Variants in CHRNA7 observed in about 807,000 individuals in gnomAD.
The protein encoded by CHRNA7 is neuronal acetylcholine receptor subunit alpha-7.
Under a neutral mutation model 48.0 loss-of-function variants are expected in CHRNA7, and 17 were observed. The ratio of observed to expected loss-of-function variants is 0.35; its 90% confidence interval spans 0.24 to 0.53. The LOEUF (loss-of-function observed/expected upper bound fraction) is 0.53. CHRNA7 is among the 20% of genes least tolerant of loss of function. The pLI is 0.92. For missense variants in CHRNA7, 155 were observed against 577.7 expected (o/e 0.27, Z 7.50); for synonymous variants, 75 against 242.3 (o/e 0.31, Z 6.41).
At chr15:32,049,025 G>GTCTGAATGTCAGTTTGTTATAATT (rs1457140245) in intron 2 of CHRNA7, among the ~76,000 whole-genome samples, 1 of 102,042 alleles carries the variant, frequency 9.8e-6, no homozygotes, top group Admixed American at 9.8e-5. Flanking sequence ...TTGCACTGTG[G>GTCTGAATGTCAGTTTGTTATAATT]TCTGTTCTTT....
chr15:32,107,415 A>T (rs1451052214), intron 3 of CHRNA7, among the ~76,000 whole-genome samples: 1 of 151,272 alleles, frequency 6.6e-6, no homozygotes, highest in Non-Finnish European at 1.5e-5. Context: ...TGCTTACTTA[A>T]TAAAATTTTA....
chr15:32,062,842 CATT>C (rs1178903639), intron 2 of CHRNA7, among the ~76,000 whole-genome samples: 3 of 152,098 alleles, frequency 2.0e-5, no homozygotes, highest in Non-Finnish European at 4.4e-5. Context: ...CTGAGAAATG[CATT>C]ATTAGGCGAT....
rs1555373124 is a variant in CHRNA7 at position 32,044,253 on chromosome 15, C to CTCCCTTCCT, written c.195+13219_195+13220insCTTCCTTCC. 1.4e-3 allele frequency among the ~76,000 whole-genome samples: 199 copies of CTCCCTTCCT among 141,024 alleles called. 1 individual carries two copies. The highest frequency in any genetic ancestry group is 5.1e-3 in the African/African-American group (193 of 37,790). 92.5% of individuals were successfully genotyped at this position (141,024 alleles called of 152,430 possible). A position where few individuals can be genotyped will look rare whatever the true frequency, so the allele number is the denominator to read the frequency against. Reference sequence around the variant, plus strand: ...TGTTGCCAGATCGATCGATCTTTTCCTCCTTCCTTCCTTCCTTCCTTCCTT... The same window carrying CTCCCTTCCT: ...TGTTGCCAGATCGATCGATCTTTTCCTCCCTTCCTTCCTTCCTTCCTTCCTTCCTTCCTT... On this transcript the variant is annotated intron_variant, in intron 2 of 9. Coordinates refer to ENST00000306901, the MANE Select transcript of CHRNA7 (RefSeq NM_000746.6).
chr15:32,148,176 AG>A (rs1318760056), intron 4 of CHRNA7, among the ~76,000 whole-genome samples: 2 of 152,220 alleles, frequency 1.3e-5, no homozygotes, highest in Non-Finnish European at 2.9e-5. Context: ...TCTTTGCAGC[AG>A]GACAGAGTGC....
At chr15:32,151,921 G>A (rs973339440) in intron 4 of CHRNA7, among the ~76,000 whole-genome samples, 21 of 152,300 alleles carry the variant, frequency 1.4e-4, no homozygotes, top group African/African-American at 4.8e-4. Flanking sequence ...AGGCTCTGTA[G>A]TCATGGGCAG....
intron 4 of CHRNA7, among the ~76,000 whole-genome samples, chr15:32,131,039 TTTG>T (rs908409814): frequency 6.6e-6 from 1 of 152,166 alleles, no homozygotes; most frequent in Non-Finnish European, 1.5e-5. Flanking sequence ...GTCATTTAAA[TTTG>T]TTGTTGTTGT....
chr15:32,092,857 T>A (rs1034712956), intron 2 of CHRNA7, among the ~76,000 whole-genome samples: 1 of 152,194 alleles, frequency 6.6e-6, no homozygotes, highest in African/African-American at 2.4e-5. Flanking sequence ...GGTCTCCTTA[T>A]CTCTAACTCA....
chr15:32,154,710 TC>T (rs2051699262), intron 5 of CHRNA7, among the ~76,000 whole-genome samples: 1 of 115,292 alleles, frequency 8.7e-6, no homozygotes. Flanking sequence ...CAGGGTGATC[TC>T]CCACACTGCA....
At position 32,130,469 on chromosome 15, in the gene CHRNA7, A is replaced by G. The variant is rs182977481; in HGVS notation, c.350+18570A>G. Among the ~76,000 whole-genome samples the G allele has an allele frequency of 2.0e-5, 3 of 151,406 alleles. No homozygotes were observed. The East Asian group carries it at 5.8e-4, about 29-fold the overall frequency. On this transcript the variant is annotated intron_variant, in intron 4 of 9. Transcript: ENST00000306901. Reference sequence around the variant, plus strand: ...TTTTCTTTTCTCTAAGATCTGCTTTATCTGATAATAATATAGTTACTCTTG... The same window carrying G: ...TTTTCTTTTCTCTAAGATCTGCTTTGTCTGATAATAATATAGTTACTCTTG...
At chr15:32,146,212 C>G (rs1376481799) in intron 4 of CHRNA7, among the ~76,000 whole-genome samples, 1 of 152,036 alleles carries the variant, frequency 6.6e-6, no homozygotes, top group Non-Finnish European at 1.5e-5. Flanking sequence ...AAGATTGAGG[C>G]AGAAAAAAAT....
intron 2 of CHRNA7, among the ~76,000 whole-genome samples, chr15:32,061,951 T>C (rs1250432361): frequency 6.6e-6 from 1 of 152,224 alleles, no homozygotes; most frequent in Admixed American, 6.5e-5. Context: ...TCCTGTGATA[T>C]TGTCACAATA....
rs1345369143 is a variant in CHRNA7, at chr15:32,169,194, G to A, written c.*736G>A. 1 of 146,212 alleles carries A rather than the reference G, an allele frequency of 6.8e-6. No homozygotes were observed. Among genetic ancestry groups the A allele is most frequent in the Non-Finnish European group, 1.5e-5 (1 of 64,816 alleles). 9.1% of individuals were successfully genotyped at this position (146,212 alleles called of 1,614,324 possible). On this transcript the variant is annotated 3_prime_UTR_variant, in exon 10 of 10. Coordinates refer to ENST00000306901, the MANE Select transcript of CHRNA7 (RefSeq NM_000746.6). ...CGCGGAGTGTCTTTGGTGGATCCCA[G>A]ATAACTCCTAGGTGCTGCTCTCAGA...
intron 4 of CHRNA7, among the ~76,000 whole-genome samples, chr15:32,138,768 G>GT (rs2051321815): frequency 1.3e-5 from 2 of 151,852 alleles, no homozygotes; most frequent in Non-Finnish European, 2.9e-5. Flanking sequence ...GTTTTGTTTT[G>GT]TTTGAGATGG....
chr15:32,142,418 G>C (rs983031470), intron 4 of CHRNA7, among the ~76,000 whole-genome samples: 3 of 152,194 alleles, frequency 2.0e-5, no homozygotes, highest in African/African-American at 7.2e-5. Flanking sequence ...TTGGTATCAG[G>C]ATGATGCTGG....
rs1252934734 is a variant in CHRNA7 at position 32,149,824 on chromosome 15, T to G, written c.351-4083T>G. 6.6e-6 allele frequency among the ~76,000 whole-genome samples: 1 copy of G among 151,824 alleles called. No homozygotes were observed. The highest frequency in any genetic ancestry group is 1.5e-5 in the Non-Finnish European group (1 of 67,962). ...CCTGTTTGCCTTGTGATCTCAAGAG[T>G]CTCTTCAATTAAATTGATCCAAATG... On this transcript the variant is annotated intron_variant, in intron 4 of 9. Coordinates refer to ENST00000306901, the MANE Select transcript of CHRNA7 (RefSeq NM_000746.6). This position sits in a 1 kb window ranked among gnomAD's most constrained non-coding sequence, Gnocchi z 4.6.
chr15:32,141,135 C>A (rs1239465937), intron 4 of CHRNA7, among the ~76,000 whole-genome samples: 2 of 152,204 alleles, frequency 1.3e-5, no homozygotes, highest in Admixed American at 1.3e-4. Flanking sequence ...CAGCTTTATA[C>A]ATATGGCTAG....
At chr15:32,052,117 C>T (rs1421151057) in intron 2 of CHRNA7, among the ~76,000 whole-genome samples, 2 of 152,110 alleles carry the variant, frequency 1.3e-5, no homozygotes, top group African/African-American at 4.8e-5. Context: ...TTGGTATTCT[C>T]TCAGGGCTCC....
intron 2 of CHRNA7, among the ~76,000 whole-genome samples, chr15:32,048,673 G>C (rs1382137960): frequency 2.6e-5 from 4 of 151,674 alleles, no homozygotes; most frequent in Admixed American, 2.6e-4. Flanking sequence ...ATTTCCTTCA[G>C]TTCTGCTCTG....
At chr15:32,052,413 GAGA>G (rs1274479915) in intron 2 of CHRNA7, among the ~76,000 whole-genome samples, 6 of 152,152 alleles carry the variant, frequency 3.9e-5, no homozygotes, top group Admixed American at 3.9e-4. Context: ...GTGGGGAGAG[GAGA>G]AGTTGGTTAA....
Sources: allele counts gnomAD v4.1 joint callset (sites outside exome capture counted in the v4.1 genomes callset), GRCh38; gene constraint gnomAD v4.1.1; non-coding constraint Gnocchi (gnomAD v3.1); transcripts MANE v1.5; gene names NCBI Gene and HGNC (gene_info 2026-07-23, HGNC 2026-07-21).